The following ABCA13 variants were observed in gnomAD, a reference collection of about 807,000 sequenced individuals.
ABCA13 encodes the protein ATP-binding cassette sub-family A member 13.
Under a neutral mutation model 478.7 loss-of-function variants are expected in ABCA13, and 476 were observed. The ratio of observed to expected loss-of-function variants is 0.99; its 90% CI spans 0.92 to 1.07. The LOEUF is 1.07. Among genes scored for constraint, ABCA13 ranks in the 50% least tolerant of loss-of-function variants. The pLI is 0.00. For synonymous variants in ABCA13, 2,252 were observed against 2,158.9 expected (o/e 1.04, Z -1.20); for missense variants, 6,060 against 5,910.6 (o/e 1.03, Z -0.83).
Position 48,275,712 on chromosome 7 carries a change from G to A in ABCA13, c.6046G>A (p.Glu2016Lys), listed in dbSNP as rs369505404. 3.1e-5 allele frequency: 50 copies of A among 1,601,224 alleles called. No individual in the cohort carries two copies. The African/African-American group carries it at 4.8e-4, about 15-fold the overall frequency. The change falls in exon 17 of 62, where the codon GAA becomes AAA. Residue 2016 changes from glutamate (E) to lysine (K), a missense_variant. Glu to Lys is a moderately conservative substitution (Grantham distance 56). Coordinates refer to ENST00000435803, the MANE Select transcript of ABCA13 (RefSeq NM_152701.5). ...VQLISEDWSL[E>K]KSTHNLLSLF... ...ATTGATTTCTGAAGACTGGAGCCTA[G>A]AAAAAAGTACGCATAATCTACTCTC...
chr7:48,618,954 A>G (rs938863991), intron 59 of ABCA13, among the ~76,000 whole-genome samples: 22 of 152,228 alleles, frequency 1.4e-4, no homozygotes, highest in Non-Finnish European at 2.8e-4. Context: ...GTATTAGAAT[A>G]CAGAAGATAA....
At chr7:48,510,951 G>T (rs750743376) in intron 50 of ABCA13, 133 bp from the exon 51 acceptor site, 11 of 707,344 alleles carry the variant, frequency 1.6e-5, no homozygotes, top group East Asian at 2.8e-5. Context: ...CTAATTCCAC[G>T]GCTACAGAAC....
At chr7:48,232,125 G>A (rs983065460) in intron 7 of ABCA13, among the ~76,000 whole-genome samples, 4 of 100,030 alleles carry the variant, frequency 4.0e-5, no homozygotes, top group East Asian at 3.3e-4. Context: ...TCAGCACAGT[G>A]AGACCCACAT....
chr7:48,239,402 A>G lies in ABCA13; in HGVS notation c.1059A>G (p.Gln353=). 1.9e-6 allele frequency: 3 copies of G among 1,611,926 alleles called. No individual in the cohort carries two copies. The highest frequency in any genetic ancestry group is 1.7e-6 in the Non-Finnish European group (2 of 1,178,710). ...VHAVSWLRVY[Q]QVFVQWQQGS... is the part of the protein sequence containing the mutation. Reference sequence around the variant, plus strand: ...CAGTCAGCTGGCTGCGAGTCTACCAACAGGTGCTGTCCCCTCTCTCTATGT... The same window carrying G: ...CAGTCAGCTGGCTGCGAGTCTACCAGCAGGTGCTGTCCCCTCTCTCTATGT... Residue 353 remains glutamine (Q), a synonymous_variant, in exon 9 of 62, where the codon CAA becomes CAG. Transcript: ENST00000435803.
At chr7:48,264,631 GT>G (rs1166269488) in intron 15 of ABCA13, among the ~76,000 whole-genome samples, 1 of 151,552 alleles carries the variant, frequency 6.6e-6, no homozygotes, top group Non-Finnish European at 1.5e-5. Flanking sequence ...TGGGTTATTT[GT>G]TTATTATTTA....
chr7:48,301,967 T>C (rs1228518204), intron 23 of ABCA13, among the ~76,000 whole-genome samples: 2 of 152,240 alleles, frequency 1.3e-5, no homozygotes, highest in Non-Finnish European at 2.9e-5. Flanking sequence ...CACGTTACCT[T>C]ATTTGCTCAT....
chr7:48,336,646 T>C (rs1016484881), intron 28 of ABCA13, among the ~76,000 whole-genome samples: 2 of 152,188 alleles, frequency 1.3e-5, no homozygotes, highest in Admixed American at 1.3e-4. Context: ...AGACAGCCCA[T>C]GGGAGGCGTG....
intron 1 of ABCA13, among the ~76,000 whole-genome samples, chr7:48,180,307 G>C (rs1477156343): frequency 6.6e-6 from 1 of 152,172 alleles, no homozygotes; most frequent in Admixed American, 6.5e-5. Context: ...CCAAATTCCA[G>C]GTGGGGTTAG....
chr7:48,333,920 C>T (rs567577132), intron 27 of ABCA13, among the ~76,000 whole-genome samples: 2 of 152,186 alleles, frequency 1.3e-5, no homozygotes, highest in African/African-American at 4.8e-5. Flanking sequence ...TGTGGTTCCT[C>T]TACCCTCAGG....
Position 48,239,418 on chromosome 7 carries a change from C to T in ABCA13, c.1062+13C>T, listed in dbSNP as rs764286598. 6.2e-7 allele frequency: 1 copy of T among 1,607,474 alleles called. No homozygotes were observed. The highest frequency in any genetic ancestry group is 8.5e-7 in the Non-Finnish European group (1 of 1,176,626). ...AGTCTACCAACAGGTGCTGTCCCCT[C>T]TCTCTATGTTCTGTTCAAAGGTGTG... On this transcript the variant is annotated intron_variant, in intron 9 of 61. Coordinates refer to ENST00000435803, the MANE Select transcript of ABCA13 (RefSeq NM_152701.5).
At chr7:48,237,130 C>T (rs778851857) in intron 8 of ABCA13, among the ~76,000 whole-genome samples, 13 of 145,488 alleles carry the variant, frequency 8.9e-5, no homozygotes, top group Admixed American at 4.3e-4. Context: ...GTCTGAAAAA[C>T]GTCTCAAGAG....
chr7:48,583,003 T>C (rs891576013), intron 56 of ABCA13, among the ~76,000 whole-genome samples: 1 of 152,132 alleles, frequency 6.6e-6, no homozygotes, highest in Admixed American at 6.5e-5. Context: ...GTGTCAGAGT[T>C]CATCATGCTA....
At chr7:48,567,739 C>T (rs1345443198) in intron 55 of ABCA13, among the ~76,000 whole-genome samples, 1 of 151,344 alleles carries the variant, frequency 6.6e-6, no homozygotes, top group Non-Finnish European at 1.5e-5. Flanking sequence ...CTATCTAAAC[C>T]AAAGATAAAC....
Position 48,263,413 on chromosome 7 carries a change from A to C in ABCA13, c.2006-5567A>C, listed in dbSNP as rs564648333. Among the ~76,000 whole-genome samples, 7 of 152,088 alleles carry C rather than the reference A, an allele frequency of 4.6e-5. No homozygotes were observed. In the South Asian group the frequency reaches 1.4e-3, roughly 31 times the overall value. Reference sequence around the variant, plus strand: ...CATGGAGTGCAGTTTTATGATGCAGATAAAGCATGAACTGTTTGGTGTTTT... The same window carrying C: ...CATGGAGTGCAGTTTTATGATGCAGCTAAAGCATGAACTGTTTGGTGTTTT... On this transcript the variant is annotated intron_variant, in intron 15 of 61. Coordinates refer to ENST00000435803, the MANE Select transcript of ABCA13 (RefSeq NM_152701.5).
chr7:48,492,686 C>G (rs1475361171), intron 48 of ABCA13, among the ~76,000 whole-genome samples: 2 of 152,060 alleles, frequency 1.3e-5, no homozygotes, highest in African/African-American at 2.4e-5. Flanking sequence ...CTTGGACTTC[C>G]CAGACTCCAA....
intron 53 of ABCA13, among the ~76,000 whole-genome samples, chr7:48,522,370 C>T (rs1832607783): frequency 1.3e-5 from 2 of 152,218 alleles, no homozygotes; most frequent in South Asian, 4.1e-4. Context: ...GGTTGTTTGC[C>T]ATGAATTCAG....
In ABCA13 at chr7:48,539,380, T is replaced by C. The variant is rs1833813312; in HGVS notation, c.14354+11035T>C. On this transcript the variant is annotated intron_variant, in intron 55 of 61. Coordinates refer to ENST00000435803, the MANE Select transcript of ABCA13 (RefSeq NM_152701.5). ...TTAGGTGAATTCATCCATTGCAAAA[T>C]GGTCATGTTTTAACCTAGTCTTTTT... Among the ~76,000 whole-genome samples, 5 of 152,184 alleles carry C rather than the reference T, an allele frequency of 3.3e-5. No homozygotes were observed. The South Asian group carries it at 1.0e-3, about 32-fold the overall frequency.
chr7:48,404,883 A>G (rs1318946213), intron 39 of ABCA13, among the ~76,000 whole-genome samples: 1 of 152,226 alleles, frequency 6.6e-6, no homozygotes, highest in Non-Finnish European at 1.5e-5. Context: ...GGAATTATGG[A>G]AGGAGAAGAT....
At chr7:48,362,409 CTTTTTTTT>C (rs35795708) in intron 31 of ABCA13, among the ~76,000 whole-genome samples, 85 of 86,000 alleles carry the variant, frequency 9.9e-4, no homozygotes, top group African/African-American at 3.4e-3. Flanking sequence ...TCCTCTTCTT[CTTTTTTTT>C]TTTTTTTTTT....
Sources: allele counts gnomAD v4.1 joint callset (sites outside exome capture counted in the v4.1 genomes callset), GRCh38; gene constraint gnomAD v4.1.1; transcripts MANE v1.5; gene names NCBI Gene and HGNC (gene_info 2026-07-23, HGNC 2026-07-21).